The following SCUBE1 variants were observed in gnomAD, a reference collection of about 807,000 sequenced individuals.
SCUBE1 encodes the protein signal peptide, CUB domain and EGF like domain containing 1, also known as signal peptide, CUB and EGF-like domain-containing protein 1.
Under a neutral mutation model 124.4 loss-of-function variants are expected in SCUBE1, and 59 were observed. That is an observed-to-expected ratio of 0.47 (90% confidence interval 0.38 to 0.59). The LOEUF (loss-of-function observed/expected upper bound fraction) is 0.59, where lower values mean the gene tolerates loss of function less well. Among genes scored for constraint, SCUBE1 ranks in the 20% least tolerant of loss-of-function variants. The pLI is 0.00. For missense variants in SCUBE1, 1,150 were observed against 1,371.2 expected (o/e 0.84, Z 2.55); for synonymous variants, 545 against 550.9 (o/e 0.99, Z 0.15).
Position 43,201,407 on chromosome 22 carries a change from C to T in SCUBE1, c.*2590G>A, listed in dbSNP as rs1921008956. The T allele has an allele frequency of 6.6e-6, 1 of 150,962 alleles. No individual in the cohort carries two copies. Among genetic ancestry groups the T allele is most frequent in the Non-Finnish European group, 1.5e-5 (1 of 67,822 alleles). The allele number at this position is 150,962 out of a possible 1,614,324, so 9.4% of individuals were successfully genotyped here. ...TAAGTGTGATGGTTGATTGCATGGTCGTCTTGGTTGGGTGAACGGATACCC... is the reference window on the plus strand; with the variant it reads ...TAAGTGTGATGGTTGATTGCATGGTTGTCTTGGTTGGGTGAACGGATACCC... On this transcript the variant is annotated 3_prime_UTR_variant, in exon 22 of 22. Transcript: ENST00000360835.
chr22:43,270,753 T>G (rs988968281), intron 4 of SCUBE1, among the ~76,000 whole-genome samples: 8 of 152,218 alleles, frequency 5.3e-5, no homozygotes, highest in Non-Finnish European at 1.2e-4. Context: ...CTGTCTGACT[T>G]GAAGACCTGC....
chr22:43,253,433 AGAG>A (rs1569507582), intron 6 of SCUBE1, among the ~76,000 whole-genome samples: 1 of 152,118 alleles, frequency 6.6e-6, no homozygotes, highest in Non-Finnish European at 1.5e-5. Flanking sequence ...GGAGGAAACC[AGAG>A]GAGGAGAAGT....
chr22:43,294,919 C>T (rs1925501487), intron 3 of SCUBE1, among the ~76,000 whole-genome samples: 1 of 152,032 alleles, frequency 6.6e-6, no homozygotes, highest in African/African-American at 2.4e-5. Flanking sequence ...GAGGCCCCAG[C>T]TCAGGCATTA....
intron 4 of SCUBE1, chr22:43,282,270 C>T (rs1358609526): frequency 6.6e-6 from 1 of 152,550 alleles, no homozygotes; most frequent in Non-Finnish European, 1.5e-5. Context: ...CACGGGCACC[C>T]ATCCCTCCAG....
intron 14 of SCUBE1, among the ~76,000 whole-genome samples, chr22:43,219,458 C>T (rs1009851633): frequency 6.6e-5 from 10 of 151,616 alleles, no homozygotes; most frequent in East Asian, 1.9e-4. Context: ...CTTTTAGCAA[C>T]GCAAATAGAC....
At chr22:43,275,769 A>G (rs1479698853) in intron 4 of SCUBE1, among the ~76,000 whole-genome samples, 1 of 152,244 alleles carries the variant, frequency 6.6e-6, no homozygotes, top group East Asian at 1.9e-4. Flanking sequence ...GTGCCGTAAC[A>G]GGGAGAACAA....
At chr22:43,300,115 C>T (rs1156704473) in intron 3 of SCUBE1, among the ~76,000 whole-genome samples, 2 of 152,170 alleles carry the variant, frequency 1.3e-5, no homozygotes, top group East Asian at 1.9e-4. Context: ...GGGGTATACG[C>T]CTTCAGCTCT....
chr22:43,233,823 T>C (rs1440046616), intron 7 of SCUBE1, among the ~76,000 whole-genome samples: 1 of 152,054 alleles, frequency 6.6e-6, no homozygotes, highest in Non-Finnish European at 1.5e-5. Flanking sequence ...AAAACCAGGC[T>C]ATTAGAGGTC....
chr22:43,271,215 C>A (rs1924280857), intron 4 of SCUBE1, among the ~76,000 whole-genome samples: 1 of 152,332 alleles, frequency 6.6e-6, no homozygotes, highest in East Asian at 1.9e-4. Flanking sequence ...CCCCTGCTCC[C>A]TCCTTGCTCA....
chr22:43,250,192 C>A (rs1033165323), intron 6 of SCUBE1, among the ~76,000 whole-genome samples: 4 of 152,232 alleles, frequency 2.6e-5, no homozygotes, highest in Admixed American at 6.5e-5. Context: ...CCAGGCCTTG[C>A]TCCATGACCG....
At chr22:43,333,437 C>T (rs1926965046) in intron 2 of SCUBE1, among the ~76,000 whole-genome samples, 1 of 152,154 alleles carries the variant, frequency 6.6e-6, no homozygotes, top group Admixed American at 6.5e-5. Flanking sequence ...AGACAAGTTG[C>T]CCTTGAAGGT....
chr22:43,272,335 C>A (rs973235704), intron 4 of SCUBE1: 4 of 152,312 alleles, frequency 2.6e-5, no homozygotes, highest in African/African-American at 9.7e-5. Context: ...GACACCGACT[C>A]TGGGCCCTCT....
At chr22:43,340,780 G>C (rs1927287850) in intron 1 of SCUBE1, among the ~76,000 whole-genome samples, 1 of 152,180 alleles carries the variant, frequency 6.6e-6, no homozygotes, top group Non-Finnish European at 1.5e-5. Context: ...CAGACAGAAG[G>C]ACCCAGGAGT....
intron 6 of SCUBE1, among the ~76,000 whole-genome samples, chr22:43,253,307 G>A (rs556789279): frequency 6.6e-6 from 1 of 152,290 alleles, no homozygotes; most frequent in East Asian, 1.9e-4. Flanking sequence ...GTGAGAGAGG[G>A]GCTCACTTGT....
chr22:43,259,059 C>T (rs1027025336), intron 5 of SCUBE1, among the ~76,000 whole-genome samples: 1 of 152,186 alleles, frequency 6.6e-6, no homozygotes, highest in Admixed American at 6.5e-5. Flanking sequence ...CAGGATGTTT[C>T]ACAACATCAG....
intron 21 of SCUBE1, among the ~76,000 whole-genome samples, chr22:43,206,006 C>T (rs1921251129): frequency 7.0e-6 from 1 of 142,266 alleles, no homozygotes; most frequent in African/African-American, 2.7e-5. Flanking sequence ...CATCACACAC[C>T]CTATATACAT....
Position 43,208,065 on chromosome 22 carries a change from A to G in SCUBE1, c.2734+7T>C, listed in dbSNP as rs372220422. The stretch of plus-strand genomic sequence containing the variant: ...GCACAGTGGGCCGTGAAGACAGTGG[A>G]TCTTACCATCGTAGGTGACATAGGG... On this transcript the variant is annotated splice_region_variant and intron_variant, in intron 20 of 21. Transcript: ENST00000360835. The G allele has an allele frequency of 6.2e-7, 1 of 1,613,800 alleles. No homozygotes were observed. The highest frequency in any genetic ancestry group is 1.3e-5 in the African/African-American group (1 of 74,908).
chr22:43,279,724 C>T (rs1924685727), intron 4 of SCUBE1, among the ~76,000 whole-genome samples: 1 of 152,230 alleles, frequency 6.6e-6, no homozygotes, highest in South Asian at 2.1e-4. Flanking sequence ...TCTGTCACAG[C>T]CCTCCACGCA....
chr22:43,257,649 C>G (rs1222811911), intron 6 of SCUBE1, among the ~76,000 whole-genome samples: 1 of 152,164 alleles, frequency 6.6e-6, no homozygotes, highest in Non-Finnish European at 1.5e-5. Context: ...GAGAGACCAG[C>G]AGTGAAAACA....
Sources: gnomAD v4.1 joint callset for allele counts (sites outside exome capture counted in the v4.1 genomes callset) on GRCh38, gnomAD v4.1.1 for gene constraint, MANE v1.5 for transcripts, NCBI Gene and HGNC (gene_info 2026-07-23, HGNC 2026-07-21) for gene names.